Variants in FBXL20 observed in about 807,000 individuals in gnomAD.
The protein encoded by FBXL20 is F-box/LRR-repeat protein 20.
Under a neutral mutation model 64.0 loss-of-function variants are expected in FBXL20, and 11 were observed. That is an observed-to-expected ratio of 0.17 (90% CI 0.11 to 0.28). The LOEUF is 0.28. Among genes scored for constraint, FBXL20 ranks in the 10% least tolerant of loss-of-function variants. The pLI is 1.00. For synonymous variants in FBXL20, 184 were observed against 189.0 expected (o/e 0.97, Z 0.22); for missense variants, 303 against 526.2 (o/e 0.58, Z 4.15).
intron 1 of FBXL20, among the ~76,000 whole-genome samples, chr17:39,371,056 T>A (rs2047913777): frequency 6.7e-6 from 1 of 149,578 alleles, no homozygotes; most frequent in Admixed American, 6.7e-5. Context: ...CCATCTCTAC[T>A]TAAAATACAA....
chr17:39,321,642 T>A (rs2047357481), intron 2 of FBXL20, among the ~76,000 whole-genome samples: 1 of 150,810 alleles, frequency 6.6e-6, no homozygotes, highest in African/African-American at 2.4e-5. Context: ...TAGCTGGGCA[T>A]GGTGGCAGGC....
chr17:39,268,092 C>A (rs369460275), intron 12 of FBXL20, among the ~76,000 whole-genome samples: 4 of 152,272 alleles, frequency 2.6e-5, no homozygotes, highest in African/African-American at 9.6e-5. Flanking sequence ...TGGCTCACGT[C>A]TGTAATCCCA....
chr17:39,326,175 T>C (rs575967950), intron 2 of FBXL20, among the ~76,000 whole-genome samples: 12 of 152,152 alleles, frequency 7.9e-5, no homozygotes, highest in Admixed American at 6.5e-4. Flanking sequence ...GACGCTAGTT[T>C]CTGGTATAGG....
chr17:39,391,960 G>A (rs968290518), intron 1 of FBXL20, among the ~76,000 whole-genome samples: 3 of 151,862 alleles, frequency 2.0e-5, no homozygotes, highest in South Asian at 2.1e-4. Context: ...TGGCCAACAC[G>A]GTGAAACCCT....
intron 2 of FBXL20, among the ~76,000 whole-genome samples, chr17:39,330,401 G>A (rs1194077473): frequency 6.6e-6 from 1 of 152,042 alleles, no homozygotes; most frequent in African/African-American, 2.4e-5. Flanking sequence ...ATCACATGAG[G>A]TCAGGAATTC....
chr17:39,357,814 A>T (rs2047757114), intron 1 of FBXL20, among the ~76,000 whole-genome samples: 1 of 152,164 alleles, frequency 6.6e-6, no homozygotes, highest in Admixed American at 6.5e-5. Flanking sequence ...TCAAGTTACC[A>T]TCTGGTACCA....
In FBXL20 at chr17:39,261,456, A is replaced by C. The variant is rs187076537; in HGVS notation, c.*4T>G. 2 of 1,611,104 alleles carry C rather than the reference A, an allele frequency of 1.2e-6. No homozygotes were observed. Among genetic ancestry groups the C allele is most frequent in the Non-Finnish European group, 1.7e-6 (2 of 1,177,430 alleles). On this transcript the variant is annotated 3_prime_UTR_variant, in exon 15 of 15. Coordinates refer to ENST00000264658, the MANE Select transcript of FBXL20 (RefSeq NM_032875.3). Reference sequence around the variant, plus strand: ...CAGTTCGCCAAGGTTGACCACCTCCATTGTCATAGGATGATGCAGCATCTG... The same window carrying C: ...CAGTTCGCCAAGGTTGACCACCTCCCTTGTCATAGGATGATGCAGCATCTG...
intron 1 of FBXL20, among the ~76,000 whole-genome samples, chr17:39,344,165 A>G (rs2047609537): frequency 6.6e-6 from 1 of 152,034 alleles, no homozygotes; most frequent in Non-Finnish European, 1.5e-5. Context: ...CCTGGCCAAC[A>G]TGGCGGAACT....
intron 9 of FBXL20, among the ~76,000 whole-genome samples, chr17:39,277,307 GAAGT>G (rs925953051): frequency 3.9e-5 from 6 of 152,164 alleles, no homozygotes; most frequent in Non-Finnish European, 7.3e-5. Context: ...TGTAAAGAGG[GAAGT>G]AAGAATCAAT....
At chr17:39,280,864 A>G (rs2046944350) in intron 9 of FBXL20, among the ~76,000 whole-genome samples, 1 of 152,102 alleles carries the variant, frequency 6.6e-6, no homozygotes, top group African/African-American at 2.4e-5. Context: ...CCCAAGCTCA[A>G]CTGATCTTCC....
At chr17:39,402,384 G>A (rs549301543), upstream of FBXL20, 2 of 430,780 alleles carry the variant, frequency 4.6e-6, no homozygotes, top group Admixed American at 4.4e-5. Context: ...TTGTCTCCCT[G>A]TGCATGGCTC....
chr17:39,301,902 C>T (rs888823031), intron 3 of FBXL20, among the ~76,000 whole-genome samples: 2 of 151,434 alleles, frequency 1.3e-5, no homozygotes, highest in Non-Finnish European at 2.9e-5. Flanking sequence ...AAACAAAAAA[C>T]AAGACTAACC....
At chr17:39,378,437 T>C (rs915924778) in intron 1 of FBXL20, among the ~76,000 whole-genome samples, 5 of 152,046 alleles carry the variant, frequency 3.3e-5, no homozygotes, top group African/African-American at 9.7e-5. Context: ...AAACCCCATC[T>C]CTTGAAAATA....
intron 1 of FBXL20, among the ~76,000 whole-genome samples, chr17:39,365,338 T>C (rs2047849071): frequency 6.6e-6 from 1 of 152,176 alleles, no homozygotes; most frequent in African/African-American, 2.4e-5. Context: ...ACAAAGTAAG[T>C]TTATAATTCC....
rs34975638 is a variant in FBXL20, at chr17:39,256,320, C to CAAAAAAAAAAAA, written c.*5128_*5139dup. The CAAAAAAAAAAAA allele has an allele frequency of 1.1e-5, 1 of 92,014 alleles. No homozygotes were observed. The allele number at this position is 92,014 out of a possible 1,614,324, so 5.7% of individuals were successfully genotyped here. ...TGGGTGACAGAGCGAGACTCCATGT[C>CAAAAAAAAAAAA]AAAAAAAAAAAAAAAAAAAAGAAAT... On this transcript the variant is annotated 3_prime_UTR_variant, in exon 15 of 15. Transcript: ENST00000264658.
chr17:39,373,764 T>A (rs1244132803), intron 1 of FBXL20, among the ~76,000 whole-genome samples: 2 of 152,202 alleles, frequency 1.3e-5, no homozygotes, highest in African/African-American at 4.8e-5. Context: ...TTAAACATAG[T>A]GCCTTACACA....
rs924648993 is a variant in FBXL20 at position 39,257,375 on chromosome 17, T to C, written c.*4085A>G. The stretch of plus-strand genomic sequence containing the variant: ...ATCATAAATTTACTAGGTTTCCCTA[T>C]AAAATGTTTGATACAAGGGATATGT... On this transcript the variant is annotated 3_prime_UTR_variant, in exon 15 of 15. Coordinates refer to ENST00000264658, the MANE Select transcript of FBXL20 (RefSeq NM_032875.3). 6 of 152,260 alleles carry C rather than the reference T, an allele frequency of 3.9e-5. No individual in the cohort carries two copies. Among genetic ancestry groups the C allele is most frequent in the Admixed American group, 2.6e-4 (4 of 15,284 alleles). 9.4% of individuals were successfully genotyped at this position (152,260 alleles called of 1,614,324 possible). A position where few individuals can be genotyped will look rare whatever the true frequency, so the allele number is the denominator to read the frequency against.
In FBXL20 at chr17:39,270,651, G is replaced by A. The variant is rs982754207; in HGVS notation, c.888+145C>T. The A allele has an allele frequency of 7.3e-5, 45 of 616,322 alleles. No homozygotes were observed. In the African/African-American group the frequency reaches 8.1e-4, roughly 11 times the overall value. The allele number at this position is 616,322 out of a possible 1,614,324, so 38.2% of individuals were successfully genotyped here. On this transcript the variant is annotated intron_variant, in intron 11 of 14. Coordinates refer to ENST00000264658, the MANE Select transcript of FBXL20 (RefSeq NM_032875.3). The stretch of plus-strand genomic sequence containing the variant: ...GTTTGTATTCTTATTGATATCAGTA[G>A]GTCTGTAGCTATAGCATGAAACCCC...
At chr17:39,347,951 C>A (rs1430250092) in intron 1 of FBXL20, among the ~76,000 whole-genome samples, 2 of 152,062 alleles carry the variant, frequency 1.3e-5, no homozygotes, top group African/African-American at 4.8e-5. Context: ...AATAGGGAAT[C>A]CTTTCTCCAT....
Sources: gnomAD v4.1 joint callset for allele counts (sites outside exome capture counted in the v4.1 genomes callset) on GRCh38, gnomAD v4.1.1 for gene constraint, MANE v1.5 for transcripts, NCBI Gene and HGNC (gene_info 2026-07-23, HGNC 2026-07-21) for gene names.